The following ACSL5 variants were observed in gnomAD, a reference collection of about 807,000 sequenced individuals.
The protein encoded by ACSL5 is long-chain-fatty-acid--CoA ligase 5.
ACSL5 carries 50 observed loss-of-function variants against 84.9 expected under a neutral mutation model. That is an observed-to-expected ratio of 0.59 (90% confidence interval 0.47 to 0.75). The LOEUF is 0.75. Ranked by LOEUF, ACSL5 falls within the 30% of genes least tolerant of loss-of-function variation. ACSL5 has a pLI of 0.00. For synonymous variants in ACSL5, 280 were observed against 300.7 expected (o/e 0.93, Z 0.71); for missense variants, 775 against 830.4 (o/e 0.93, Z 0.82).
intron 19 of ACSL5, chr10:112,426,573 G>T: frequency 1.6e-6 from 1 of 617,734 alleles, no homozygotes. Context: ...TGGGAAAGAA[G>T]AGTAAAAATG....
chr10:112,413,457 G>A, intron 12 of ACSL5, 150 bp downstream of exon 12: 2 of 1,087,400 alleles, frequency 1.8e-6, no homozygotes, highest in South Asian at 1.5e-5. Flanking sequence ...CAGGTGTGGT[G>A]GCTCACTTCT....
At chr10:112,382,518 A>C (rs1464655036) in intron 1 of ACSL5, among the ~76,000 whole-genome samples, 3 of 152,208 alleles carry the variant, frequency 2.0e-5, no homozygotes, top group Non-Finnish European at 4.4e-5. Context: ...ACACAGATCC[A>C]TGAGTCCCAG....
chr10:112,380,264 G>A (rs1424098856), intron 1 of ACSL5, among the ~76,000 whole-genome samples: 1 of 152,130 alleles, frequency 6.6e-6, no homozygotes, highest in East Asian at 1.9e-4. Flanking sequence ...TTAATGGACT[G>A]ACTTAAGAGG....
At chr10:112,409,833 A>G in intron 7 of ACSL5, 148 bp downstream of exon 7, 1 of 833,670 alleles carries the variant, frequency 1.2e-6, no homozygotes, top group Non-Finnish European at 1.9e-6. Context: ...AGCTCTGAGA[A>G]TAATTTCCAC....
intron 1 of ACSL5, among the ~76,000 whole-genome samples, chr10:112,381,288 G>T (rs1178853104): frequency 2.0e-5 from 3 of 152,192 alleles, no homozygotes; most frequent in Admixed American, 6.5e-5. Flanking sequence ...CCAGATGGCA[G>T]GAACTATATC....
Position 112,409,532 on chromosome 10 carries a change from C to T in ACSL5, c.558C>T (p.Asp186=). The T allele has an allele frequency of 6.2e-7, 1 of 1,613,640 alleles. No homozygotes were observed. The highest frequency in any genetic ancestry group is 8.5e-7 in the Non-Finnish European group (1 of 1,179,978). ...CTGATATCGCCATGGTGATCTGTGACACACCCCAAAAGGCATTGGTGCTGA... is the reference window on the plus strand; with the variant it reads ...CTGATATCGCCATGGTGATCTGTGATACACCCCAAAAGGCATTGGTGCTGA... ...NKADIAMVIC[D]TPQKALVLIG... Residue 186 remains aspartate (D), a synonymous_variant, in exon 7 of 21, where the codon GAC becomes GAT. Transcript: ENST00000354655.
chr10:112,412,050 G>A (rs1178936984), intron 11 of ACSL5, 71 bp downstream of exon 11: 1 of 1,433,216 alleles, frequency 7.0e-7, no homozygotes, highest in Non-Finnish European at 9.8e-7. Flanking sequence ...TTATTCCAAA[G>A]GCAGCTACAC....
intron 1 of ACSL5, among the ~76,000 whole-genome samples, chr10:112,380,293 A>G (rs1179977231): frequency 1.3e-5 from 2 of 152,132 alleles, no homozygotes; most frequent in African/African-American, 4.8e-5. Flanking sequence ...ATTTGACTTA[A>G]CATGAGATCT....
intron 1 of ACSL5, among the ~76,000 whole-genome samples, chr10:112,384,656 C>A (rs886440117): frequency 6.6e-5 from 10 of 152,090 alleles, no homozygotes; most frequent in Non-Finnish European, 1.3e-4. Context: ...TACCGGCATG[C>A]ACCGCCAAGC....
At chr10:112,409,761 G>A in intron 7 of ACSL5, 76 bp downstream of exon 7, 1 of 1,460,086 alleles carries the variant, frequency 6.8e-7, no homozygotes, top group Non-Finnish European at 9.5e-7. Context: ...ACCTTCCCAA[G>A]AGGACAGTGT....
At chr10:112,401,114 G>T (rs1350565729) in intron 3 of ACSL5, among the ~76,000 whole-genome samples, 1 of 152,160 alleles carries the variant, frequency 6.6e-6, no homozygotes, top group African/African-American at 2.4e-5. Context: ...CACTTGGGAG[G>T]CTGAGGCAGG....
chr10:112,409,531 A>G lies in ACSL5; in HGVS notation c.557A>G (p.Asp186Gly). The change falls in exon 7 of 21, where the codon GAC becomes GGC. Residue 186 changes from aspartate to glycine, a missense_variant. By Grantham distance (94) the Asp-to-Gly change is moderately conservative. Coordinates refer to ENST00000354655, the MANE Select transcript of ACSL5 (RefSeq NM_203379.2). Reference sequence around the variant, plus strand: ...GCTGATATCGCCATGGTGATCTGTGACACACCCCAAAAGGCATTGGTGCTG... The same window carrying G: ...GCTGATATCGCCATGGTGATCTGTGGCACACCCCAAAAGGCATTGGTGCTG... ...NKADIAMVIC[D>G]TPQKALVLIG... 1.2e-6 allele frequency: 2 copies of G among 1,613,676 alleles called. No individual in the cohort carries two copies. The highest frequency in any genetic ancestry group is 1.7e-6 in the Non-Finnish European group (2 of 1,179,978).
Position 112,404,813 on chromosome 10 carries a change from A to G in ACSL5, c.432+7A>G. On this transcript the variant is annotated splice_region_variant and intron_variant, in intron 5 of 20. Coordinates refer to ENST00000354655, the MANE Select transcript of ACSL5 (RefSeq NM_203379.2). ...TGCTCAGAATAGGCCAGAGGTAACT[A>G]TGTTGAAGTTAACTAAAGGAAATGA... 1.9e-6 allele frequency: 3 copies of G among 1,605,174 alleles called. No homozygotes were observed. The highest frequency in any genetic ancestry group is 1.1e-5 in the South Asian group (1 of 90,208).
intron 14 of ACSL5, chr10:112,419,286 TTTTG>T (rs1421010020): frequency 6.6e-6 from 1 of 152,284 alleles, no homozygotes; most frequent in Non-Finnish European, 1.5e-5. Context: ...CTTATTACAG[TTTTG>T]TTTCTTTTAT....
At chr10:112,417,687 A>G (rs946648013) in intron 13 of ACSL5, among the ~76,000 whole-genome samples, 159 bp from the exon 14 acceptor site, 5 of 152,180 alleles carry the variant, frequency 3.3e-5, no homozygotes, top group Admixed American at 6.5e-5. Context: ...CTTTTCTACA[A>G]TCCAGACTGT....
At chr10:112,394,853 G>A in intron 1 of ACSL5, 65 bp from the exon 2 acceptor site, 1 of 1,582,918 alleles carries the variant, frequency 6.3e-7, no homozygotes, top group South Asian at 1.1e-5. Context: ...TGAAAACATA[G>A]AGCTATTGAG....
At chr10:112,395,657 C>T (rs935002758) in intron 2 of ACSL5, among the ~76,000 whole-genome samples, 10 of 152,168 alleles carry the variant, frequency 6.6e-5, no homozygotes, top group African/African-American at 9.7e-5. Context: ...CTCACTCCCC[C>T]GACTTTCAGC....
At position 112,393,197 on chromosome 10, in the gene ACSL5, G is replaced by C. The variant is rs974022319; in HGVS notation, c.-29-1721G>C. On this transcript the variant is annotated intron_variant, in intron 1 of 20. Transcript: ENST00000354655. Reference sequence around the variant, plus strand: ...ATCCCAACTCTCAGAATCCTGCCAGGTGGTCACAATAGCACCCTTGTTTTT... The same window carrying C: ...ATCCCAACTCTCAGAATCCTGCCAGCTGGTCACAATAGCACCCTTGTTTTT... 3.3e-5 allele frequency among the ~76,000 whole-genome samples: 5 copies of C among 152,098 alleles called. No homozygotes were observed. The East Asian group carries it at 9.6e-4, about 29-fold the overall frequency.
chr10:112,392,347 C>G (rs1460747465), intron 1 of ACSL5, among the ~76,000 whole-genome samples: 1 of 115,190 alleles, frequency 8.7e-6, no homozygotes, highest in East Asian at 3.7e-4. Context: ...TGGCTCACAC[C>G]TGTAATCCCA....
Sources: allele counts gnomAD v4.1 joint callset (sites outside exome capture counted in the v4.1 genomes callset), GRCh38; gene constraint gnomAD v4.1.1; transcripts MANE v1.5; gene names NCBI Gene and HGNC (gene_info 2026-07-23, HGNC 2026-07-21).